ATXN7L1: variants seen among roughly 807,000 people sequenced by gnomAD.
ATXN7L1 encodes ataxin 7 like 1.
In ATXN7L1, 15 loss-of-function variants were observed where a neutral mutation model predicts 70.8. The observed-to-expected ratio is 0.21, with a 90% CI of 0.14 to 0.33. ATXN7L1 has a LOEUF of 0.33. Among genes scored for constraint, ATXN7L1 ranks in the 10% least tolerant of loss-of-function variants. ATXN7L1 has a pLI of 1.00. For synonymous variants in ATXN7L1, 440 were observed against 445.1 expected, an observed-to-expected ratio of 0.99 and a Z score of 0.14; for missense variants, 975 against 1,097.1, an observed-to-expected ratio of 0.89 and a Z score of 1.57.
At chr7:105,857,937 A>G (rs1015739808) in intron 2 of ATXN7L1, among the ~76,000 whole-genome samples, 16 of 152,178 alleles carry the variant, frequency 1.1e-4, no homozygotes, top group Admixed American at 1.3e-4. Context: ...CAGGGGGAAA[A>G]AAAAAAGAAT....
At chr7:105,730,660 T>C (rs1796429139) in intron 3 of ATXN7L1, among the ~76,000 whole-genome samples, 1 of 151,198 alleles carries the variant, frequency 6.6e-6, no homozygotes, top group Non-Finnish European at 1.5e-5. Flanking sequence ...TGAACCTGGA[T>C]GGCAGAGGTT....
At chr7:105,683,458 C>T (rs1805792167) in intron 3 of ATXN7L1, among the ~76,000 whole-genome samples, 1 of 152,098 alleles carries the variant, frequency 6.6e-6, no homozygotes, top group Admixed American at 6.6e-5. Context: ...GGTGGCAGAT[C>T]ACTTAAGGTC....
intron 3 of ATXN7L1, among the ~76,000 whole-genome samples, chr7:105,733,109 T>C (rs1284058575): frequency 1.3e-5 from 2 of 152,226 alleles, no homozygotes; most frequent in African/African-American, 4.8e-5. Flanking sequence ...AAAGGCGATT[T>C]CCATGAAAGC....
chr7:105,620,634 C>A (rs904811710), intron 8 of ATXN7L1, among the ~76,000 whole-genome samples: 7 of 152,120 alleles, frequency 4.6e-5, no homozygotes, highest in Non-Finnish European at 1.0e-4. Context: ...GTGGCTCATG[C>A]CTATATTGCC....
chr7:105,641,734 G>C (rs182818522), intron 5 of ATXN7L1, among the ~76,000 whole-genome samples: 4 of 152,394 alleles, frequency 2.6e-5, no homozygotes, highest in South Asian at 2.1e-4. Context: ...ACAGTGCTTA[G>C]GGAGAGCACC....
chr7:105,726,090 T>C (rs964281955), intron 3 of ATXN7L1, among the ~76,000 whole-genome samples: 1 of 151,858 alleles, frequency 6.6e-6, no homozygotes, highest in African/African-American at 2.4e-5. Context: ...TTAGTAGAGA[T>C]GGGGTTTTGC....
intron 2 of ATXN7L1, among the ~76,000 whole-genome samples, chr7:105,840,560 C>G (rs903805694): frequency 6.6e-6 from 1 of 152,170 alleles, no homozygotes; most frequent in African/African-American, 2.4e-5. Context: ...AGAATCTGAG[C>G]AACACCCCGG....
Position 105,733,530 on chromosome 7 carries a change from C to CCATT in ATXN7L1, c.355+55073_355+55074insAATG, listed in dbSNP as rs1563048496. On this transcript the variant is annotated intron_variant, in intron 3 of 11. Transcript: ENST00000419735. Reference sequence around the variant, plus strand: ...TCCATCCATCCACCCATCCATCCATCCATCCATCCACCCATCCATCCATCC... The same window carrying CCATT: ...TCCATCCATCCACCCATCCATCCATCCATTCATCCATCCACCCATCCATCCATCC... 3.2e-3 allele frequency among the ~76,000 whole-genome samples: 211 copies of CCATT among 65,278 alleles called. 20 individuals carry two copies. The East Asian group carries it at 0.069, about 21-fold the overall frequency. The allele number at this position is 65,278 out of a possible 152,430, so 42.8% of individuals were successfully genotyped here. A position where few individuals can be genotyped will look rare whatever the true frequency, so the allele number is the denominator to read the frequency against.
intron 3 of ATXN7L1, among the ~76,000 whole-genome samples, chr7:105,719,657 T>C (rs1214003542): frequency 6.6e-6 from 1 of 152,140 alleles, no homozygotes; most frequent in Non-Finnish European, 1.5e-5. Context: ...TAGGAATGAT[T>C]AGATTTTGCT....
intron 3 of ATXN7L1, among the ~76,000 whole-genome samples, chr7:105,776,959 G>A (rs1802825910): frequency 6.6e-6 from 1 of 152,054 alleles, no homozygotes; most frequent in South Asian, 2.1e-4. Flanking sequence ...TAGTAGAGCT[G>A]GGGTTTTACC....
intron 3 of ATXN7L1, among the ~76,000 whole-genome samples, chr7:105,782,238 G>A (rs1172364785): frequency 2.6e-5 from 4 of 152,208 alleles, no homozygotes; most frequent in Non-Finnish European, 5.9e-5. Context: ...ACAGCTACGA[G>A]GGACAGAGAT....
At chr7:105,850,150 TA>T (rs1024365859) in intron 2 of ATXN7L1, among the ~76,000 whole-genome samples, 3 of 152,186 alleles carry the variant, frequency 2.0e-5, no homozygotes, top group African/African-American at 7.2e-5. Flanking sequence ...AATATAATGA[TA>T]AAAAAATACT....
At chr7:105,611,109 T>A (rs1793111469) in intron 10 of ATXN7L1, among the ~76,000 whole-genome samples, 1 of 152,256 alleles carries the variant, frequency 6.6e-6, no homozygotes, top group Non-Finnish European at 1.5e-5. Flanking sequence ...CACACGCAAC[T>A]GTTCTTTAGG....
intron 2 of ATXN7L1, among the ~76,000 whole-genome samples, chr7:105,839,945 A>C (rs1364043131): frequency 6.6e-6 from 1 of 152,254 alleles, no homozygotes; most frequent in African/African-American, 2.4e-5. Context: ...CTAATTCTGC[A>C]TGGGTCTGAG....
intron 3 of ATXN7L1, among the ~76,000 whole-genome samples, chr7:105,716,691 A>G (rs1195053361): frequency 1.2e-5 from 1 of 83,232 alleles, no homozygotes; most frequent in Non-Finnish European, 2.1e-5. Flanking sequence ...ACACACACAC[A>G]CACACACACA....
intron 2 of ATXN7L1, among the ~76,000 whole-genome samples, chr7:105,858,183 A>G (rs1160633059): frequency 3.3e-5 from 5 of 152,170 alleles, no homozygotes; most frequent in African/African-American, 9.7e-5. Context: ...GTGAGCTATG[A>G]TCATGCCACT....
Position 105,614,861 on chromosome 7 carries a change from T to A in ATXN7L1, c.1518-45A>T, listed in dbSNP as rs1472537810. ...GAAAGAGAATCAGTGAGACATCGGG[T>A]TGGCATTGCTCAGGAGGCTCGATGA... On this transcript the variant is annotated intron_variant, in intron 9 of 11. Transcript: ENST00000419735. This position sits in a 1 kb window ranked among gnomAD's most constrained non-coding sequence, Gnocchi z 4.3. 7.3e-6 allele frequency: 11 copies of A among 1,516,906 alleles called. No homozygotes were observed. Among genetic ancestry groups the A allele is most frequent in the African/African-American group, 1.4e-5 (1 of 72,346 alleles). 94.0% of individuals were successfully genotyped at this position (1,516,906 alleles called of 1,614,324 possible).
At chr7:105,798,741 A>C (rs917274) in intron 2 of ATXN7L1, among the ~76,000 whole-genome samples, 87,222 of 152,068 alleles carry the variant, frequency 0.57, 25,373 homozygotes, top group East Asian at 0.75. Context: ...ACTTTGGAAT[A>C]AAAAAATAGC....
intron 3 of ATXN7L1, among the ~76,000 whole-genome samples, chr7:105,739,082 C>T (rs1797725091): frequency 6.6e-6 from 1 of 152,102 alleles, no homozygotes; most frequent in Non-Finnish European, 1.5e-5. Context: ...CCGGAAGGTA[C>T]AAACTGAGCT....
Sources: gnomAD v4.1 joint callset for allele counts (sites outside exome capture counted in the v4.1 genomes callset) on GRCh38, gnomAD v4.1.1 for gene constraint, Gnocchi (gnomAD v3.1) non-coding constraint, MANE v1.5 for transcripts, NCBI Gene and HGNC (gene_info 2026-07-23, HGNC 2026-07-21) for gene names.